The following ADAMTS17 variants were observed in gnomAD, a reference collection of about 807,000 sequenced individuals.
The protein encoded by ADAMTS17 is A disintegrin and metalloproteinase with thrombospondin motifs 17.
Under a neutral mutation model 141.5 loss-of-function variants are expected in ADAMTS17, and 113 were observed. The ratio of observed to expected loss-of-function variants is 0.80; its 90% CI spans 0.69 to 0.93. ADAMTS17 has a LOEUF of 0.93. Among genes scored for constraint, ADAMTS17 ranks in the 40% least tolerant of loss-of-function variants. The pLI is 0.00. For missense variants in ADAMTS17, 1,659 were observed against 1,517.9 expected (o/e 1.09, Z -1.54); for synonymous variants, 768 against 630.6 (o/e 1.22, Z -3.27).
At chr15:100,320,223 T>A (rs7172925) in intron 3 of ADAMTS17, among the ~76,000 whole-genome samples, 14,514 of 151,500 alleles carry the variant, frequency 0.096, 1,141 homozygotes, top group East Asian at 0.25. Flanking sequence ...GAGGAAAAAA[T>A]AGTAAGATCC....
At chr15:100,142,749 C>T (rs1050851285) in intron 10 of ADAMTS17, among the ~76,000 whole-genome samples, 1 of 152,080 alleles carries the variant, frequency 6.6e-6, no homozygotes, top group South Asian at 2.1e-4. Flanking sequence ...CACACTGTAC[C>T]AAAAGGCAAT....
chr15:100,089,688 T>C (rs1400037564), intron 15 of ADAMTS17, among the ~76,000 whole-genome samples: 2 of 151,896 alleles, frequency 1.3e-5, no homozygotes, highest in Middle Eastern at 3.2e-3. Flanking sequence ...TGTAGGGACA[T>C]GGATGAAGCT....
rs74037527 is a variant in ADAMTS17 at position 100,165,894 on chromosome 15, G to C, written c.1182-10574C>G. On this transcript the variant is annotated intron_variant, in intron 8 of 21. Transcript: ENST00000268070. ...ATTCTTTTTCCTTTCTCTCTTTTTT[G>C]TTTTTTTTTCCAGAATGGCCTTGGG... is the stretch of plus-strand genomic sequence containing the variant. 2.2e-3 allele frequency among the ~76,000 whole-genome samples: 328 copies of C among 150,622 alleles called. 3 individuals are homozygous for C. The highest frequency in any genetic ancestry group is 7.7e-3 in the African/African-American group (316 of 41,042).
In ADAMTS17 at chr15:100,071,677, A is replaced by G. The variant is rs944067268; in HGVS notation, c.2138-17623T>C. Among the ~76,000 whole-genome samples the G allele has an allele frequency of 1.3e-5, 2 of 150,514 alleles. 1 individual carries two copies. Among genetic ancestry groups the G allele is most frequent in the Admixed American group, 1.3e-4 (2 of 15,030 alleles). ...AAAAACCACATGATTATCTCAATAGATGCAGAAAAGGCCTTTGACAAAATT... is the reference window on the plus strand; with the variant it reads ...AAAAACCACATGATTATCTCAATAGGTGCAGAAAAGGCCTTTGACAAAATT... On this transcript the variant is annotated intron_variant, in intron 15 of 21. Coordinates refer to ENST00000268070, the MANE Select transcript of ADAMTS17 (RefSeq NM_139057.4).
chr15:100,196,301 ATGAGT>A (rs1245253443), intron 8 of ADAMTS17, among the ~76,000 whole-genome samples: 3 of 152,262 alleles, frequency 2.0e-5, no homozygotes, highest in African/African-American at 7.2e-5. Context: ...CAGGATGTAG[ATGAGT>A]TAATTGCTGA....
At chr15:99,995,094 C>G (rs1045591528) in intron 19 of ADAMTS17, among the ~76,000 whole-genome samples, 2 of 152,188 alleles carry the variant, frequency 1.3e-5, no homozygotes, top group Non-Finnish European at 2.9e-5. Context: ...GGGTAGGAGG[C>G]TGATTGCAGT....
intron 6 of ADAMTS17, 43 bp from the exon 7 acceptor site, chr15:100,254,222 C>T (rs748831072): frequency 2.6e-6 from 4 of 1,565,708 alleles, no homozygotes; most frequent in Non-Finnish European, 3.5e-6. Flanking sequence ...GCAGTATCCC[C>T]AAGAATGGGA....
chr15:100,030,016 T>C (rs964904362), intron 18 of ADAMTS17, among the ~76,000 whole-genome samples: 2 of 152,190 alleles, frequency 1.3e-5, no homozygotes, highest in African/African-American at 2.4e-5. Context: ...ACTAGACATA[T>C]TGGGAAAATA....
intron 8 of ADAMTS17, among the ~76,000 whole-genome samples, chr15:100,198,150 T>C (rs554476943): frequency 1.7e-4 from 26 of 152,258 alleles, no homozygotes; most frequent in Non-Finnish European, 2.8e-4. Flanking sequence ...TCTGCACATG[T>C]ATCCCAGAAC....
chr15:100,255,509 C>T (rs925752086), intron 6 of ADAMTS17, among the ~76,000 whole-genome samples: 14 of 152,164 alleles, frequency 9.2e-5, no homozygotes, highest in East Asian at 3.9e-4. Context: ...GCAGCACTGG[C>T]AGAGGGGAAA....
At chr15:100,093,525 C>T (rs2035590040) in intron 15 of ADAMTS17, among the ~76,000 whole-genome samples, 2 of 152,142 alleles carry the variant, frequency 1.3e-5, no homozygotes. Flanking sequence ...CTTGGCGTCA[C>T]CAAGATGCCT....
intron 10 of ADAMTS17, among the ~76,000 whole-genome samples, chr15:100,147,058 T>C (rs1341381432): frequency 6.6e-6 from 1 of 152,144 alleles, no homozygotes; most frequent in Admixed American, 6.5e-5. Flanking sequence ...TTCTATTACC[T>C]TCTGAAGTAC....
At chr15:100,252,281 G>C (rs1301390889) in intron 7 of ADAMTS17, among the ~76,000 whole-genome samples, 1 of 152,138 alleles carries the variant, frequency 6.6e-6, no homozygotes, top group Non-Finnish European at 1.5e-5. Flanking sequence ...CCCTTCACCT[G>C]CATTCATTCA....
chr15:100,132,154 T>C lies in ADAMTS17; in HGVS notation c.1576-2A>G. On this transcript the variant is annotated splice_acceptor_variant, in intron 11 of 21. Coordinates refer to ENST00000268070, the MANE Select transcript of ADAMTS17 (RefSeq NM_139057.4). LOFTEE classifies it high-confidence loss of function. ...CACGCACTCCCCCGCGCGGCACCAC[T>C]GAAACACAGCGGGGAGGGTCGGGGC... 1 of 1,613,090 alleles carries C rather than the reference T, an allele frequency of 6.2e-7. No homozygotes were observed. The highest frequency in any genetic ancestry group is 8.5e-7 in the Non-Finnish European group (1 of 1,179,826).
At chr15:100,144,999 ACTC>A (rs1356764221) in intron 10 of ADAMTS17, among the ~76,000 whole-genome samples, 2 of 152,002 alleles carry the variant, frequency 1.3e-5, no homozygotes, top group African/African-American at 4.8e-5. Flanking sequence ...CAAATGTTCA[ACTC>A]CTCAGCACTG....
intron 10 of ADAMTS17, among the ~76,000 whole-genome samples, chr15:100,146,226 G>T (rs138532274): frequency 6.6e-6 from 1 of 152,200 alleles, no homozygotes; most frequent in African/African-American, 2.4e-5. Context: ...CCGTATAATA[G>T]TATACAGTTA....
At chr15:99,977,056 G>A (rs1352298183) in intron 20 of ADAMTS17, among the ~76,000 whole-genome samples, 1 of 152,098 alleles carries the variant, frequency 6.6e-6, no homozygotes, top group African/African-American at 2.4e-5. Context: ...TCTTGGGCAT[G>A]GAGAAGAGCC....
At chr15:100,044,291 T>C (rs1013717257) in intron 18 of ADAMTS17, among the ~76,000 whole-genome samples, 1 of 152,238 alleles carries the variant, frequency 6.6e-6, no homozygotes, top group Admixed American at 6.5e-5. Context: ...GTGACTCCAA[T>C]TACCCTTATG....
chr15:100,155,421 C>G (rs2039388097), intron 8 of ADAMTS17, 101 bp from the exon 9 acceptor site: 1 of 1,501,764 alleles, frequency 6.7e-7, no homozygotes, highest in Admixed American at 2.0e-5. Context: ...GTCTTAAAAA[C>G]AAAAACGGAC....
Sources: gnomAD v4.1 joint callset for allele counts (sites outside exome capture counted in the v4.1 genomes callset) on GRCh38, gnomAD v4.1.1 for gene constraint, MANE v1.5 for transcripts, NCBI Gene and HGNC (gene_info 2026-07-23, HGNC 2026-07-21) for gene names.